Variants in USH2A observed in about 807,000 individuals in gnomAD.
The protein encoded by USH2A is Usher syndrome 2A (autosomal recessive, mild).
USH2A carries 443 observed loss-of-function variants against 538.9 expected under a neutral mutation model. The ratio of observed to expected loss-of-function variants is 0.82; its 90% CI spans 0.76 to 0.89. The LOEUF (loss-of-function observed/expected upper bound fraction) is 0.89. USH2A is among the 40% of genes least tolerant of loss of function. The probability of loss-of-function intolerance (pLI) is 0.00; values close to 1 mark genes in which losing one functional copy is unlikely to be tolerated. For missense variants in USH2A, 6,633 were observed against 6,324.8 expected (o/e 1.05, Z -1.65); for synonymous variants, 2,413 against 2,273.5 (o/e 1.06, Z -1.75).
intron 44 of USH2A, among the ~76,000 whole-genome samples, chr1:215,855,687 C>T (rs920395217): frequency 1.3e-5 from 2 of 151,982 alleles, no homozygotes; most frequent in Non-Finnish European, 2.9e-5. Flanking sequence ...GAAAAAAATC[C>T]TAAAATTCAT....
At chr1:215,840,933 C>T (rs1039919364) in intron 46 of USH2A, among the ~76,000 whole-genome samples, 1 of 152,004 alleles carries the variant, frequency 6.6e-6, no homozygotes, top group African/African-American at 2.4e-5. Context: ...ATGGACTCAC[C>T]ATAAGAATCA....
intron 43 of USH2A, among the ~76,000 whole-genome samples, chr1:215,869,951 TG>T (rs1255933352): frequency 6.6e-6 from 1 of 152,218 alleles, no homozygotes; most frequent in Non-Finnish European, 1.5e-5. Flanking sequence ...CACAATTGCA[TG>T]CCTGTTTTCA....
At chr1:216,036,312 T>A (rs2102515823) in intron 32 of USH2A, among the ~76,000 whole-genome samples, 1 of 152,134 alleles carries the variant, frequency 6.6e-6, no homozygotes, top group African/African-American at 2.4e-5. Context: ...CTGTAGAGAA[T>A]TTAAAAGATT....
At chr1:215,980,879 T>C (rs184121200) in intron 35 of USH2A, among the ~76,000 whole-genome samples, 3 of 152,260 alleles carry the variant, frequency 2.0e-5, no homozygotes, top group African/African-American at 7.2e-5. Flanking sequence ...AATGTTTTTA[T>C]ACTTTGGCTA....
intron 38 of USH2A, among the ~76,000 whole-genome samples, chr1:215,911,350 C>T (rs933026130): frequency 1.3e-5 from 2 of 151,858 alleles, no homozygotes; most frequent in Non-Finnish European, 2.9e-5. Flanking sequence ...TCTCCCCAAC[C>T]CTCCACTACT....
chr1:215,928,702 C>A (rs1170946458), intron 38 of USH2A, among the ~76,000 whole-genome samples: 1 of 152,020 alleles, frequency 6.6e-6, no homozygotes, highest in Non-Finnish European at 1.5e-5. Context: ...CTGAAGAAGC[C>A]CAGTCCAGCC....
At chr1:216,067,832 A>G (rs912494968) in intron 30 of USH2A, among the ~76,000 whole-genome samples, 27 of 152,130 alleles carry the variant, frequency 1.8e-4, no homozygotes, top group Admixed American at 1.2e-3. Context: ...TTGGATGTCT[A>G]GGTGGGATGT....
intron 38 of USH2A, among the ~76,000 whole-genome samples, chr1:215,909,682 C>T (rs757201768): frequency 2.0e-5 from 3 of 151,916 alleles, no homozygotes. Flanking sequence ...GCAAAGTTAG[C>T]ATGTTAGATG....
intron 60 of USH2A, among the ~76,000 whole-genome samples, chr1:215,732,421 T>C (rs1660023192): frequency 6.6e-6 from 1 of 152,188 alleles, no homozygotes; most frequent in Non-Finnish European, 1.5e-5. Flanking sequence ...ATTCTAGTTA[T>C]CATCAAATGC....
In USH2A at chr1:215,801,296, C is replaced by T. The variant is rs187221127; in HGVS notation, c.9740-2171G>A. Among the ~76,000 whole-genome samples, 227 of 147,832 alleles carry T rather than the reference C, an allele frequency of 1.5e-3. 1 individual carries two copies. The highest frequency in any genetic ancestry group is 5.3e-3 in the African/African-American group (213 of 40,112). On this transcript the variant is annotated intron_variant, in intron 49 of 71. Coordinates refer to ENST00000307340, the MANE Select transcript of USH2A (RefSeq NM_206933.4). ...TGGATATTATGGCTAGAGCAATAGG[C>T]AAGAGAAAAAAATAAAAGGCATCTA...
intron 64 of USH2A, among the ~76,000 whole-genome samples, chr1:215,666,176 C>T (rs1194311052): frequency 6.6e-6 from 1 of 151,970 alleles, no homozygotes. Flanking sequence ...TAGAAAAATC[C>T]CCTGTTTTAA....
intron 34 of USH2A, among the ~76,000 whole-genome samples, chr1:215,998,163 T>A (rs1006335523): frequency 6.6e-6 from 1 of 152,104 alleles, no homozygotes; most frequent in African/African-American, 2.4e-5. Context: ...AAGAGTGTGT[T>A]TAAAACAAAT....
At chr1:215,928,797 T>C (rs2102494724) in intron 38 of USH2A, among the ~76,000 whole-genome samples, 1 of 152,262 alleles carries the variant, frequency 6.6e-6, no homozygotes, top group African/African-American at 2.4e-5. Flanking sequence ...TGCTGACTTT[T>C]GGAGTGACTC....
chr1:215,689,863 T>C (rs895577140), intron 61 of USH2A, among the ~76,000 whole-genome samples: 2 of 152,228 alleles, frequency 1.3e-5, no homozygotes, highest in African/African-American at 2.4e-5. Flanking sequence ...TGTAGCCTTA[T>C]GAGACCTCGA....
chr1:215,989,907 C>T (rs191684923), intron 35 of USH2A, among the ~76,000 whole-genome samples: 1 of 152,036 alleles, frequency 6.6e-6, no homozygotes, highest in Non-Finnish European at 1.5e-5. Flanking sequence ...TTGATGATAA[C>T]CGAGGCAGTG....
At chr1:215,786,468 C>T (rs922680473) in intron 52 of USH2A, among the ~76,000 whole-genome samples, 1 of 152,176 alleles carries the variant, frequency 6.6e-6, no homozygotes, top group African/African-American at 2.4e-5. Context: ...TTTAAATAGA[C>T]TTTAACACAT....
At chr1:216,063,011 GAATT>G (rs1403184923) in intron 30 of USH2A, among the ~76,000 whole-genome samples, 1 of 152,142 alleles carries the variant, frequency 6.6e-6, no homozygotes, top group Admixed American at 6.5e-5. Flanking sequence ...TTCAGTGTCA[GAATT>G]ATTTTATTTA....
chr1:216,295,657 T>C (rs2037089853), intron 9 of USH2A, among the ~76,000 whole-genome samples: 1 of 151,898 alleles, frequency 6.6e-6, no homozygotes, highest in African/African-American at 2.4e-5. Context: ...TCACTCTCCA[T>C]TTGCTGTGAA....
intron 64 of USH2A, 52 bp from the exon 65 acceptor site, chr1:215,650,853 G>GAAAAAAAAAAAAAAAAA: frequency 8.1e-7 from 1 of 1,232,024 alleles, no homozygotes; most frequent in Non-Finnish European, 1.1e-6. Context: ...CTAAGGCTGG[G>GAAAAAAAAAAAAAAAAA]AAAAAAAAAA....
Sources: gnomAD v4.1 joint callset for allele counts (sites outside exome capture counted in the v4.1 genomes callset) on GRCh38, gnomAD v4.1.1 for gene constraint, MANE v1.5 for transcripts, NCBI Gene and HGNC (gene_info 2026-07-23, HGNC 2026-07-21) for gene names.